Variants in RARB observed in about 807,000 individuals in gnomAD.
The protein encoded by RARB is HBV-activated protein.
Under a neutral mutation model 51.9 loss-of-function variants are expected in RARB, and 17 were observed. The observed-to-expected ratio is 0.33, with a 90% CI of 0.22 to 0.49. RARB has a LOEUF of 0.49. Among genes scored for constraint, RARB ranks in the 20% least tolerant of loss-of-function variants. The pLI is 0.99. For synonymous variants in RARB, 215 were observed against 195.4 expected (o/e 1.10, Z -0.84); for missense variants, 369 against 550.8 (o/e 0.67, Z 3.30).
intron 5 of RARB, among the ~76,000 whole-genome samples, chr3:25,339,886 C>T (rs1345878276): frequency 6.6e-6 from 1 of 152,104 alleles, no homozygotes; most frequent in Non-Finnish European, 1.5e-5. Flanking sequence ...CTGCATAAAA[C>T]TTGCACAACT....
chr3:25,197,134 T>C (rs1701262191), intron 5 of RARB, among the ~76,000 whole-genome samples: 1 of 152,154 alleles, frequency 6.6e-6, no homozygotes, highest in Admixed American at 6.6e-5. Context: ...AGACATGAAG[T>C]CCTTGCCCAT....
Position 25,148,513 on chromosome 3 carries a change from A to G in RARB, c.-280+16305A>G, listed in dbSNP as rs150377579. On this transcript the variant is annotated intron_variant, in intron 4 of 11. Coordinates refer to the RARB transcript ENST00000383772. Reference sequence around the variant, plus strand: ...CTCTACTGGATCTTCTTTGAGTTTGATTTACAGGGGCCATTTCTACGGTAT... The same window carrying G: ...CTCTACTGGATCTTCTTTGAGTTTGGTTTACAGGGGCCATTTCTACGGTAT... Among the ~76,000 whole-genome samples, 3 of 152,256 alleles carry G rather than the reference A, an allele frequency of 2.0e-5. No individual in the cohort carries two copies. The East Asian group carries it at 5.8e-4, about 29-fold the overall frequency.
At chr3:25,368,055 G>T (rs1236766982) in intron 5 of RARB, among the ~76,000 whole-genome samples, 2 of 152,138 alleles carry the variant, frequency 1.3e-5, no homozygotes, top group African/African-American at 2.4e-5. Flanking sequence ...CAAGCTAAAA[G>T]ACTTTCCTTT....
At chr3:25,001,926 C>T (rs1234483207) in intron 2 of RARB, among the ~76,000 whole-genome samples, 2 of 152,002 alleles carry the variant, frequency 1.3e-5, no homozygotes, top group Admixed American at 6.6e-5. Flanking sequence ...CACAGGAACC[C>T]GCCACCCCAT....
chr3:24,928,979 A>G (rs940024672), intron 2 of RARB, among the ~76,000 whole-genome samples: 1 of 152,062 alleles, frequency 6.6e-6, no homozygotes, highest in Non-Finnish European at 1.5e-5. Flanking sequence ...GATGATCACC[A>G]TTAGTATTTT....
intron 2 of RARB, among the ~76,000 whole-genome samples, chr3:25,490,426 T>G (rs1559430867): frequency 6.6e-6 from 1 of 152,234 alleles, no homozygotes; most frequent in Non-Finnish European, 1.5e-5. Context: ...TCAACCAGCA[T>G]GTTATGGTAG....
intron 1 of RARB, among the ~76,000 whole-genome samples, chr3:25,430,467 AAAT>A (rs1708157235): frequency 6.6e-6 from 1 of 152,204 alleles, no homozygotes; most frequent in Non-Finnish European, 1.5e-5. Flanking sequence ...CAGAAGGAAA[AAAT>A]ATGCTCAGGA....
At chr3:25,419,758 G>A (rs1430045378) in intron 5 of RARB, among the ~76,000 whole-genome samples, 1 of 152,148 alleles carries the variant, frequency 6.6e-6, no homozygotes, top group East Asian at 1.9e-4. Context: ...ATTGCATTTT[G>A]CTTAAACAGA....
intron 3 of RARB, among the ~76,000 whole-genome samples, chr3:25,064,439 G>A (rs914634610): frequency 1.3e-5 from 2 of 151,994 alleles, no homozygotes; most frequent in South Asian, 4.1e-4. Context: ...ATTTTTAAAT[G>A]TCTTTTTCAC....
At chr3:25,298,674 G>A (rs926893199) in intron 5 of RARB, among the ~76,000 whole-genome samples, 2 of 152,136 alleles carry the variant, frequency 1.3e-5, no homozygotes, top group South Asian at 4.1e-4. Context: ...TGTCTCAGGA[G>A]GTCAGATGCT....
At chr3:24,892,768 A>G (rs1703410519) in intron 2 of RARB, among the ~76,000 whole-genome samples, 1 of 152,216 alleles carries the variant, frequency 6.6e-6, no homozygotes, top group Non-Finnish European at 1.5e-5. Context: ...TGTGTAACAT[A>G]TACTATTACA....
At chr3:25,254,470 T>G (rs115611750) in intron 5 of RARB, among the ~76,000 whole-genome samples, 11 of 152,188 alleles carry the variant, frequency 7.2e-5, no homozygotes, top group Admixed American at 2.6e-4. Flanking sequence ...TGCTTTTACA[T>G]AGCTGAAAAA....
intron 3 of RARB, among the ~76,000 whole-genome samples, chr3:25,077,852 A>G (rs1050342914): frequency 1.3e-5 from 2 of 152,156 alleles, no homozygotes; most frequent in African/African-American, 4.8e-5. Flanking sequence ...ACCAACGTGC[A>G]TTATTGTGAT....
At chr3:25,534,377 T>C (rs940006871) in intron 3 of RARB, among the ~76,000 whole-genome samples, 4 of 152,238 alleles carry the variant, frequency 2.6e-5, no homozygotes, top group Admixed American at 1.3e-4. Flanking sequence ...TTATTATTAC[T>C]ATTATTAATG....
intron 5 of RARB, among the ~76,000 whole-genome samples, chr3:25,319,259 A>G (rs1160409005): frequency 6.6e-6 from 1 of 152,138 alleles, no homozygotes; most frequent in African/African-American, 2.4e-5. Flanking sequence ...CTGCCATCAA[A>G]CCCTCAGGTC....
intron 1 of RARB, among the ~76,000 whole-genome samples, chr3:25,440,306 C>T (rs6762247): frequency 0.13 from 19,400 of 151,598 alleles, 1,307 homozygotes; most frequent in Middle Eastern, 0.18. Context: ...ATTATGTGGC[C>T]GTGGTGGCAC....
chr3:25,229,209 T>G (rs1201790876), intron 5 of RARB, among the ~76,000 whole-genome samples: 1 of 152,160 alleles, frequency 6.6e-6, no homozygotes, highest in African/African-American at 2.4e-5. Context: ...GTCCATTATT[T>G]GTAGTTGTCA....
chr3:25,336,534 A>G (rs1423640353), intron 5 of RARB, among the ~76,000 whole-genome samples: 1 of 152,206 alleles, frequency 6.6e-6, no homozygotes, highest in Non-Finnish European at 1.5e-5. Flanking sequence ...TCTCTGTAAC[A>G]CAACTTCCTG....
chr3:25,591,283 C>T (rs140662924), intron 5 of RARB, among the ~76,000 whole-genome samples: 24 of 152,262 alleles, frequency 1.6e-4, no homozygotes, highest in Admixed American at 2.6e-4. Context: ...TCTCTACCAC[C>T]CCTCCCAATA....
Sources: gnomAD v4.1 joint callset for allele counts (sites outside exome capture counted in the v4.1 genomes callset) on GRCh38, gnomAD v4.1.1 for gene constraint, MANE v1.5 for transcripts, NCBI Gene and HGNC (gene_info 2026-07-23, HGNC 2026-07-21) for gene names.